Variants in SZT2 observed in about 807,000 individuals in gnomAD.
SZT2 encodes SZT2 subunit of KICSTOR complex.
SZT2 carries 216 observed loss-of-function variants against 404.2 expected under a neutral mutation model. That is an observed-to-expected ratio of 0.53 (90% confidence interval 0.48 to 0.60). SZT2 has a LOEUF of 0.60. SZT2 is among the 20% of genes least tolerant of loss of function. SZT2 has a pLI of 0.00. For missense variants in SZT2, 3,857 were observed against 4,459.2 expected, an observed-to-expected ratio of 0.86 and a Z score of 3.85; for synonymous variants, 1,693 against 1,749.9, an observed-to-expected ratio of 0.97 and a Z score of 0.81.
Position 43,439,710 on chromosome 1 carries a change from A to C in SZT2, c.6983A>C (p.Glu2328Ala), listed in dbSNP as rs762928100. 1 of 1,611,304 alleles carries C rather than the reference A, an allele frequency of 6.2e-7. No homozygotes were observed. The highest frequency in any genetic ancestry group is 1.1e-5 in the South Asian group (1 of 90,782). The change falls in exon 50 of 72, where the codon GAG becomes GCG. Residue 2328 changes from glutamate (E) to alanine (A), a missense_variant. Glu to Ala is a moderately radical substitution (Grantham distance 107). Transcript: ENST00000634258. The surrounding 1 kb of genome is among the most constrained non-coding windows in gnomAD (Gnocchi z 4.2). ...GGGCCCCCAGACCCACTGCGAGAGG[A>C]GGAATTTGAGCAACTGACCCAGGTC... ...SPGPPDPLREEEFEQLTQVIR... is the reference protein window; with the variant it reads ...SPGPPDPLREAEFEQLTQVIR...
intron 7 of SZT2, 80 bp from the exon 8 acceptor site, chr1:43,419,654 A>G (rs1399945628): frequency 8.2e-7 from 1 of 1,214,500 alleles, no homozygotes; most frequent in Non-Finnish European, 1.2e-6. Context: ...GCAGCCACCT[A>G]GCCCAGTCTC....
chr1:43,453,970 G>GT lies in SZT2; in HGVS notation c.*3492dup. ...CGGGCCTTCACGAAAAGCGCCTACG[G>GT]TTAGCGAGAGAGGGATCACGGGGAG... On this transcript the variant is annotated 3_prime_UTR_variant, in exon 72 of 72. Coordinates refer to ENST00000634258, the MANE Select transcript of SZT2 (RefSeq NM_001365999.1). 5.0e-6 allele frequency: 6 copies of GT among 1,192,674 alleles called. No homozygotes were observed. The highest frequency in any genetic ancestry group is 6.2e-6 in the Non-Finnish European group (6 of 963,008). The allele number at this position is 1,192,674 out of a possible 1,614,324, so 73.9% of individuals were successfully genotyped here.
rs1310148978 is a variant in SZT2, at chr1:43,391,859, A to AAATTT, written c.27+1864_27+1865insAATTT. 1.8e-3 allele frequency among the ~76,000 whole-genome samples: 146 copies of AAATTT among 82,768 alleles called. 67 individuals are homozygous for AAATTT. The highest frequency in any genetic ancestry group is 2.0e-3 in the Non-Finnish European group (77 of 37,792). The allele number at this position is 82,768 out of a possible 152,430, so 54.3% of individuals were successfully genotyped here. A position where few individuals can be genotyped will look rare whatever the true frequency, so the allele number is the denominator to read the frequency against. On this transcript the variant is annotated intron_variant, in intron 1 of 71. Transcript: ENST00000634258. ...CACTTTGGGAGGCCGAGGCGGGCGG[A>AAATTT]TCACGAGGTCAGGAGATCGAGACCA...
intron 4 of SZT2, 160 bp downstream of exon 4, chr1:43,404,710 G>A (rs1650092436): frequency 2.0e-5 from 14 of 686,874 alleles, no homozygotes; most frequent in Middle Eastern, 3.0e-4. Context: ...CTCTCTCCTT[G>A]AGAAGAACCA....
At chr1:43,438,283 TG>T (rs1654679587) in intron 46 of SZT2, 1 of 344,280 alleles carries the variant, frequency 2.9e-6, no homozygotes, top group Non-Finnish European at 5.5e-6. Context: ...GATACCAGAC[TG>T]GGTTCGGGGT....
rs779500330 is a variant in SZT2 at position 43,427,415 on chromosome 1, G to A, written c.3568G>A (p.Val1190Ile). 36 of 1,613,392 alleles carry A rather than the reference G, an allele frequency of 2.2e-5. No homozygotes were observed. In the Admixed American group the frequency reaches 3.0e-4, roughly 13 times the overall value. ...TGGGATCAAAGCTACAAAGTCCCAC[G>A]TCCCTGTCCTCAGTGTGACCCTGGC... ...GTGIKATKSH[V>I]PVLSVTLASD... The change falls in exon 25 of 72, where the codon GTC becomes ATC. Residue 1190 changes from valine to isoleucine, a missense_variant. By Grantham distance (29) the Val-to-Ile change is conservative. Transcript: ENST00000634258.
intron 62 of SZT2, among the ~76,000 whole-genome samples, chr1:43,444,098 A>G (rs1655402885): frequency 6.6e-6 from 1 of 151,992 alleles, no homozygotes; most frequent in Non-Finnish European, 1.5e-5. Context: ...ATACATCCCC[A>G]CATGTGAATT....
At position 43,437,628 on chromosome 1, in the gene SZT2, G is replaced by A. The variant is rs1570696636; in HGVS notation, c.6324G>A (p.Trp2108Ter). ...AGACATCCTGCAGTGACCGGCCATG[G>A]AAAGGGGATGCGCTGCCCCCTTCCC... is the stretch of plus-strand genomic sequence containing the variant. ...LLETSCSDRP[W>*]KGDALPPSLA... is the part of the protein sequence containing the mutation. The change falls in exon 45 of 72, where the codon TGG becomes TGA. Residue 2108 changes from tryptophan to a stop codon, truncating the protein, a stop_gained. Transcript: ENST00000634258. LOFTEE classifies it high-confidence loss of function. This position sits in a 1 kb window ranked among gnomAD's most constrained non-coding sequence, Gnocchi z 5.3. The A allele has an allele frequency of 6.2e-7, 1 of 1,614,120 alleles. No individual in the cohort carries two copies. The highest frequency in any genetic ancestry group is 8.5e-7 in the Non-Finnish European group (1 of 1,180,018).
At position 43,425,354 on chromosome 1, in the gene SZT2, G is replaced by A. The variant is rs994043118; in HGVS notation, c.2646-120G>A. 17 of 1,515,434 alleles carry A rather than the reference G, an allele frequency of 1.1e-5. No homozygotes were observed. Among genetic ancestry groups the A allele is most frequent in the African/African-American group, 8.2e-5 (6 of 72,968 alleles). 93.9% of individuals were successfully genotyped at this position (1,515,434 alleles called of 1,614,324 possible). On this transcript the variant is annotated intron_variant, in intron 18 of 71. Transcript: ENST00000634258. The surrounding 1 kb of genome is among the most constrained non-coding windows in gnomAD (Gnocchi z 4.3). ...TGTTTAGATGCTTCATCAGGCAGAC[G>A]CTGGTCTGGGAAGGCCTTGTATGAC...
At position 43,437,583 on chromosome 1, in the gene SZT2, G is replaced by C; in HGVS notation, c.6291-12G>C. Reference sequence around the variant, plus strand: ...GAGGAGGCATGTCCAAAGACATGCTGCTCTTTCCCAGGCTCCTAGAGACAT... The same window carrying C: ...GAGGAGGCATGTCCAAAGACATGCTCCTCTTTCCCAGGCTCCTAGAGACAT... On this transcript the variant is annotated splice_polypyrimidine_tract_variant and intron_variant, in intron 44 of 71. Transcript: ENST00000634258. This position sits in a 1 kb window ranked among gnomAD's most constrained non-coding sequence, Gnocchi z 5.3. The C allele has an allele frequency of 6.2e-7, 1 of 1,614,052 alleles. No individual in the cohort carries two copies. The highest frequency in any genetic ancestry group is 2.2e-5 in the East Asian group (1 of 44,882).
In SZT2 at chr1:43,431,502, T is replaced by G; in HGVS notation, c.5067T>G (p.Ala1689=). The G allele has an allele frequency of 6.2e-7, 1 of 1,614,152 alleles. No individual in the cohort carries two copies. Among genetic ancestry groups the G allele is most frequent in the Non-Finnish European group, 8.5e-7 (1 of 1,180,014 alleles). ...ATTTGGCCACGCCCCACAGACTGGC[T>G]ATTGAGACCACCATGAATGAGGTGA... ...LSNLATPHRL[A]IETTMNEIRW... is the part of the protein sequence containing the mutation. Residue 1689 remains alanine (A), a synonymous_variant, in exon 35 of 72, where the codon GCT becomes GCG. Coordinates refer to ENST00000634258, the MANE Select transcript of SZT2 (RefSeq NM_001365999.1).
chr1:43,402,545 GACATGTGT>G (rs1649802802), intron 1 of SZT2, among the ~76,000 whole-genome samples: 1 of 152,240 alleles, frequency 6.6e-6, no homozygotes, highest in Non-Finnish European at 1.5e-5. Context: ...GATTTGACAG[GACATGTGT>G]AGTGGAAGGA....
chr1:43,413,955 A>G (rs1433053443), intron 4 of SZT2, among the ~76,000 whole-genome samples: 1 of 152,148 alleles, frequency 6.6e-6, no homozygotes. Flanking sequence ...AAAAGAGTAA[A>G]ATTGGATTGT....
chr1:43,432,349 C>T lies in SZT2; in HGVS notation c.5352C>T (p.Gly1784=). Reference sequence around the variant, plus strand: ...GTGGCTTCTTCTTTGTGGCAGCTGGCCAACAGCCAGGTGGGTCCCATGGGG... The same window carrying T: ...GTGGCTTCTTCTTTGTGGCAGCTGGTCAACAGCCAGGTGGGTCCCATGGGG... ...PDSGFFFVAA[G]QQPGGSHGEP... Residue 1784 remains glycine, a synonymous_variant, in exon 37 of 72, where the codon GGC becomes GGT. Coordinates refer to ENST00000634258, the MANE Select transcript of SZT2 (RefSeq NM_001365999.1). 1 of 1,606,450 alleles carries T rather than the reference C, an allele frequency of 6.2e-7. No homozygotes were observed. Among genetic ancestry groups the T allele is most frequent in the Non-Finnish European group, 8.5e-7 (1 of 1,176,722 alleles).
rs746854485 is a variant in SZT2, at chr1:43,424,464, GGCAAGGAGAGA to G, written c.2471+38_2471+48del. 7.5e-6 allele frequency: 12 copies of G among 1,591,274 alleles called. No homozygotes were observed. The African/African-American group carries it at 8.0e-5, about 11-fold the overall frequency. ...CATCCAAGCCTGCCAGGTCACTCGGGGCAAGGAGAGAGCAAGTGTAGACTGGGACACTAGCA... is the reference window on the plus strand; with the variant it reads ...CATCCAAGCCTGCCAGGTCACTCGGGGCAAGTGTAGACTGGGACACTAGCA... On this transcript the variant is annotated intron_variant, in intron 16 of 71. Coordinates refer to ENST00000634258, the MANE Select transcript of SZT2 (RefSeq NM_001365999.1). The surrounding 1 kb of genome is among the most constrained non-coding windows in gnomAD (Gnocchi z 4.1).
intron 4 of SZT2, chr1:43,404,840 C>A (rs1236405193): frequency 3.5e-6 from 1 of 284,830 alleles, no homozygotes; most frequent in Non-Finnish European, 6.5e-6. Flanking sequence ...TGTCTGTTTT[C>A]TCCATTCCCC....
chr1:43,428,467 A>C lies in SZT2; in HGVS notation c.4147A>C (p.Ile1383Leu). The change falls in exon 28 of 72, where the codon ATC becomes CTC. Residue 1383 changes from isoleucine to leucine, a missense_variant. This residue lies in a region of SZT2 where 1,725 missense variants were observed against 1,881.0 expected (regional missense o/e 0.92). Transcript: ENST00000634258. ...EEGAEPRERA[I>L]LASESSIETE... is the part of the protein sequence containing the mutation. ...GGGTGCTGAACCTCGGGAACGAGCT[A>C]TCCTAGCTTCTGAATCCAGGTTAGG... 6.2e-7 allele frequency: 1 copy of C among 1,613,914 alleles called. No individual in the cohort carries two copies. Among genetic ancestry groups the C allele is most frequent in the Non-Finnish European group, 8.5e-7 (1 of 1,179,996 alleles).
chr1:43,438,963 T>G lies in SZT2; in HGVS notation c.6662T>G (p.Val2221Gly). The change falls in exon 48 of 72, where the codon GTG becomes GGG. Residue 2221 changes from valine (V) to glycine (G), a missense_variant. Physicochemically the swap from Val to Gly is moderately radical, Grantham distance 109. Around this residue, in one of 7 missense-constraint regions of SZT2, gnomAD observed 261 missense variants for 372.9 expected, o/e 0.70. Coordinates refer to ENST00000634258, the MANE Select transcript of SZT2 (RefSeq NM_001365999.1). ...CCCCCTGGAAGTCTCCCCTCAGAGG[T>G]GCTGCATCTGGCCCTACCCACCTCC... ...IQPPGSLPSE[V>G]LHLALPTSCR... The G allele has an allele frequency of 1.2e-6, 2 of 1,614,170 alleles. No individual in the cohort carries two copies.
Position 43,427,379 on chromosome 1 carries a change from C to G in SZT2, c.3532C>G (p.Leu1178Val), listed in dbSNP as rs373245632. ...GAGTGGGGCTCCCAGTCTGAAAGAT[C>G]TAGGAGGAACTGGGATCAAAGCTAC... ...DWSGAPSLKD[L>V]GGTGIKATKS... The change falls in exon 25 of 72, where the codon CTA (leucine) becomes GTA (valine). Residue 1178 changes from leucine (L) to valine (V), a missense_variant. This residue lies in a region of SZT2 where 1,725 missense variants were observed against 1,881.0 expected (regional missense o/e 0.92). Coordinates refer to ENST00000634258, the MANE Select transcript of SZT2 (RefSeq NM_001365999.1). The G allele has an allele frequency of 1.2e-6, 2 of 1,613,964 alleles. No individual in the cohort carries two copies. Among genetic ancestry groups the G allele is most frequent in the African/African-American group, 1.3e-5 (1 of 74,928 alleles).
Sources: gnomAD v4.1 joint callset for allele counts (sites outside exome capture counted in the v4.1 genomes callset) on GRCh38, gnomAD v4.1.1 for gene constraint, gnomAD v4.1.1 regional missense constraint, Gnocchi (gnomAD v3.1) non-coding constraint, MANE v1.5 for transcripts, NCBI Gene and HGNC (gene_info 2026-07-23, HGNC 2026-07-21) for gene names.